The following MCC variants were observed in gnomAD, a reference collection of about 807,000 sequenced individuals.
The protein encoded by MCC is MCC regulator of Wnt signaling pathway.
In MCC, 90 loss-of-function variants were observed where a neutral mutation model predicts 116.2. That is an observed-to-expected ratio of 0.77 (90% confidence interval 0.65 to 0.92). The LOEUF (loss-of-function observed/expected upper bound fraction) is 0.92. Ranked by LOEUF, MCC falls within the 40% of genes least tolerant of loss-of-function variation. The pLI is 0.00. For synonymous variants in MCC, 578 were observed against 510.5 expected, an observed-to-expected ratio of 1.13 and a Z score of -1.78; for missense variants, 1,516 against 1,312.2, an observed-to-expected ratio of 1.16 and a Z score of -2.40.
At chr5:113,068,748 A>G (rs1228755541) in intron 12 of MCC, among the ~76,000 whole-genome samples, 1 of 152,252 alleles carries the variant, frequency 6.6e-6, no homozygotes, top group Non-Finnish European at 1.5e-5. Context: ...CATGGTGAGT[A>G]ATGACTAAGG....
At chr5:113,470,941 C>T (rs1163920906) in intron 1 of MCC, among the ~76,000 whole-genome samples, 1 of 152,192 alleles carries the variant, frequency 6.6e-6, no homozygotes, top group East Asian at 1.9e-4. Context: ...CGTCTTCCAT[C>T]ACTGATACCC....
intron 15 of MCC, among the ~76,000 whole-genome samples, chr5:113,050,733 G>C (rs77864418): frequency 6.6e-6 from 1 of 152,336 alleles, no homozygotes; most frequent in African/African-American, 2.4e-5. Context: ...GCTTGAAAGA[G>C]GGAAAGAGAA....
intron 3 of MCC, among the ~76,000 whole-genome samples, chr5:113,184,616 C>A (rs1255099006): frequency 6.6e-6 from 1 of 151,594 alleles, no homozygotes; most frequent in Non-Finnish European, 1.5e-5. Flanking sequence ...GTGTGCACAA[C>A]CACGCCCAGC....
intron 1 of MCC, among the ~76,000 whole-genome samples, chr5:113,415,225 G>A (rs933638741): frequency 6.6e-6 from 1 of 152,122 alleles, no homozygotes; most frequent in Non-Finnish European, 1.5e-5. Context: ...CAACTTTGGT[G>A]AATCTGACAA....
chr5:113,381,802 A>G lies in MCC; in HGVS notation c.415+3166T>C, dbSNP rs543895360. On this transcript the variant is annotated intron_variant, in intron 2 of 18. Transcript: ENST00000408903. The stretch of plus-strand genomic sequence containing the variant: ...GATCCTGACTCAAATAAATAAATAA[A>G]TAAACCCATGGGACCACAAGAAATC... Among the ~76,000 whole-genome samples the G allele has an allele frequency of 3.9e-5, 6 of 152,248 alleles. No homozygotes were observed. The East Asian group carries it at 1.2e-3, about 29-fold the overall frequency.
At chr5:113,073,370 C>T (rs1331549632) in intron 11 of MCC, among the ~76,000 whole-genome samples, 3 of 152,218 alleles carry the variant, frequency 2.0e-5, no homozygotes, top group Non-Finnish European at 2.9e-5. Context: ...CACTCTTATC[C>T]CATCCTTCCC....
intron 2 of MCC, among the ~76,000 whole-genome samples, chr5:113,376,574 TACACACAC>T (rs1554079796): frequency 5.5e-5 from 8 of 145,774 alleles, no homozygotes; most frequent in African/African-American, 1.5e-4. Context: ...CCATATTTTA[TACACACAC>T]ACACACACAC....
At chr5:113,040,512 C>T (rs1561743203) in intron 17 of MCC, among the ~76,000 whole-genome samples, 1 of 152,154 alleles carries the variant, frequency 6.6e-6, no homozygotes, top group South Asian at 2.1e-4. Context: ...TGGTAAGATT[C>T]CCCCAGCTGA....
At chr5:113,132,427 C>CATATATATATATATATATATAT (rs1162820789) in intron 5 of MCC, among the ~76,000 whole-genome samples, 2 of 107,334 alleles carry the variant, frequency 1.9e-5, no homozygotes, top group African/African-American at 8.4e-5. Flanking sequence ...TACACACATA[C>CATATATATATATATATATATAT]ATATATATAT....
chr5:113,263,214 G>A (rs1336031440), intron 3 of MCC, among the ~76,000 whole-genome samples: 1 of 152,170 alleles, frequency 6.6e-6, no homozygotes, highest in Non-Finnish European at 1.5e-5. Context: ...AGAGAAGGTA[G>A]ACAGCTTTCA....
intron 3 of MCC, among the ~76,000 whole-genome samples, chr5:113,297,408 T>C (rs953728783): frequency 5.9e-5 from 9 of 151,542 alleles, no homozygotes; most frequent in Non-Finnish European, 1.2e-4. Flanking sequence ...CTAATAAAAA[T>C]AGAAAAAATT....
At chr5:113,475,468 C>T (rs1481155168) in intron 1 of MCC, among the ~76,000 whole-genome samples, 1 of 152,056 alleles carries the variant, frequency 6.6e-6, no homozygotes, top group African/African-American at 2.4e-5. Context: ...TTTTTTCTCC[C>T]ATCAGTTAGA....
intron 1 of MCC, among the ~76,000 whole-genome samples, chr5:113,458,273 C>T (rs1379833514): frequency 1.3e-5 from 2 of 152,122 alleles, no homozygotes; most frequent in South Asian, 2.1e-4. Context: ...TGCAGCTTCA[C>T]TCCTGAAGCC....
At chr5:113,294,320 G>A (rs1447932306) in intron 3 of MCC, 3 of 1,613,750 alleles carry the variant, frequency 1.9e-6, no homozygotes, top group African/African-American at 2.7e-5. Flanking sequence ...GACCTCAGCT[G>A]TTTCTTACCT....
At chr5:113,427,703 A>C (rs771585564) in intron 1 of MCC, among the ~76,000 whole-genome samples, 3 of 152,228 alleles carry the variant, frequency 2.0e-5, no homozygotes, top group Non-Finnish European at 4.4e-5. Context: ...TGCAACCATT[A>C]TTAACACTAC....
At chr5:113,044,617 C>T (rs926153494) in intron 16 of MCC, 2 of 276,036 alleles carry the variant, frequency 7.2e-6, no homozygotes, top group Admixed American at 1.3e-4. Flanking sequence ...TCTCGTTGCC[C>T]AGGCTGGAGT....
chr5:113,409,612 A>T (rs571123822), intron 1 of MCC, among the ~76,000 whole-genome samples: 1 of 152,324 alleles, frequency 6.6e-6, no homozygotes, highest in East Asian at 1.9e-4. Context: ...TTGGCCTCCC[A>T]AAGTGGTGGG....
intron 1 of MCC, among the ~76,000 whole-genome samples, chr5:113,471,196 A>G (rs2150431198): frequency 1.3e-5 from 2 of 152,238 alleles, no homozygotes; most frequent in East Asian, 3.9e-4. Flanking sequence ...TTCTCTGTCC[A>G]GCTTTGTTCC....
At chr5:113,397,447 AC>A (rs1285587987) in intron 1 of MCC, among the ~76,000 whole-genome samples, 1 of 152,218 alleles carries the variant, frequency 6.6e-6, no homozygotes, top group Non-Finnish European at 1.5e-5. Context: ...TGAAAAAAAT[AC>A]AGAAAAATAG....
Sources: gnomAD v4.1 joint callset for allele counts (sites outside exome capture counted in the v4.1 genomes callset) on GRCh38, gnomAD v4.1.1 for gene constraint, MANE v1.5 for transcripts, NCBI Gene and HGNC (gene_info 2026-07-23, HGNC 2026-07-21) for gene names.